Variants in QTMAN observed in about 807,000 individuals in gnomAD.
QTMAN encodes queuosine-tRNA mannosyltransferase, also known as tRNA-queuosine alpha-mannosyltransferase.
At chr2:144,169,291 G>C in the QTMAN span, among the ~76,000 whole-genome samples, 10 of 152,054 alleles carry the variant, frequency 6.6e-5, no homozygotes. Context: ...ATAAATCAGA[G>C]ACAATTTGTT....
the QTMAN span, among the ~76,000 whole-genome samples, chr2:143,982,381 C>T: frequency 6.6e-6 from 1 of 151,782 alleles, no homozygotes; most frequent in African/African-American, 2.4e-5. Flanking sequence ...CAGGCATGCA[C>T]CACTACGCCC....
At chr2:144,133,203 ATT>A in the QTMAN span, among the ~76,000 whole-genome samples, 15 of 78,600 alleles carry the variant, frequency 1.9e-4, no homozygotes, top group South Asian at 4.5e-3. Flanking sequence ...ATATATATAT[ATT>A]TATATATACA....
the QTMAN span, among the ~76,000 whole-genome samples, chr2:144,112,030 T>C: frequency 1.3e-5 from 2 of 152,248 alleles, no homozygotes; most frequent in Non-Finnish European, 2.9e-5. Flanking sequence ...CAATTATGTT[T>C]AAATGAAGAA....
At chr2:144,078,789 A>G in the QTMAN span, among the ~76,000 whole-genome samples, 2 of 152,122 alleles carry the variant, frequency 1.3e-5, no homozygotes, top group Non-Finnish European at 2.9e-5. Flanking sequence ...TAATCCTATT[A>G]AATCTTTGTT....
At chr2:144,259,457 T>C in the QTMAN span, among the ~76,000 whole-genome samples, 1 of 152,152 alleles carries the variant, frequency 6.6e-6, no homozygotes, top group East Asian at 1.9e-4. Context: ...CCCCGCCCAG[T>C]AGGATCTCTG....
the QTMAN span, among the ~76,000 whole-genome samples, chr2:144,101,385 A>C: frequency 7.8e-5 from 11 of 140,714 alleles, no homozygotes; most frequent in African/African-American, 2.5e-4. Flanking sequence ...AATCATGTCT[A>C]TCTCTCTCTC....
chr2:143,993,417 G>C, the QTMAN span, among the ~76,000 whole-genome samples: 15 of 151,844 alleles, frequency 9.9e-5, no homozygotes, highest in South Asian at 2.1e-4. Context: ...AAAAAAAAAG[G>C]GGGGGGGACT....
the QTMAN span, among the ~76,000 whole-genome samples, chr2:144,153,513 T>C: frequency 2.4e-3 from 368 of 151,960 alleles, no homozygotes; most frequent in African/African-American, 8.5e-3. Flanking sequence ...ATCGAGACCA[T>C]CTTGGCTAAC....
chr2:144,122,909 A>G, the QTMAN span, among the ~76,000 whole-genome samples: 3 of 152,172 alleles, frequency 2.0e-5, no homozygotes. Flanking sequence ...GAAAGGCAAT[A>G]GAACTGCCTC....
the QTMAN span, among the ~76,000 whole-genome samples, chr2:144,261,562 C>T: frequency 2.0e-5 from 3 of 151,962 alleles, no homozygotes; most frequent in Non-Finnish European, 4.4e-5. Context: ...TCCACATATG[C>T]CCTGCAAAAA....
At chr2:144,091,945 T>C in the QTMAN span, among the ~76,000 whole-genome samples, 2 of 152,192 alleles carry the variant, frequency 1.3e-5, no homozygotes, top group South Asian at 2.1e-4. Context: ...GCATACTATA[T>C]GTTTTTGTTT....
the QTMAN span, among the ~76,000 whole-genome samples, chr2:144,213,913 C>A: frequency 6.6e-6 from 1 of 152,112 alleles, no homozygotes; most frequent in Admixed American, 6.6e-5. Flanking sequence ...CCTCCACCCA[C>A]CAACACACCC....
chr2:144,165,989 A>G, the QTMAN span, among the ~76,000 whole-genome samples: 3 of 152,070 alleles, frequency 2.0e-5, no homozygotes, highest in Non-Finnish European at 4.4e-5. Context: ...TAGCTACAGA[A>G]TCATGCATCT....
At chr2:143,991,831 G>C in the QTMAN span, among the ~76,000 whole-genome samples, 1 of 149,060 alleles carries the variant, frequency 6.7e-6, no homozygotes, top group Non-Finnish European at 1.5e-5. Flanking sequence ...GGGAGGTGAG[G>C]GGCACCTCTG....
At chr2:144,087,827 T>A in the QTMAN span, among the ~76,000 whole-genome samples, 2 of 151,918 alleles carry the variant, frequency 1.3e-5, no homozygotes, top group Non-Finnish European at 2.9e-5. Flanking sequence ...ATACAACAAA[T>A]CCACAGCTCA....
chr2:144,030,545 G>A, the QTMAN span, among the ~76,000 whole-genome samples: 1 of 152,238 alleles, frequency 6.6e-6, no homozygotes, highest in East Asian at 1.9e-4. Flanking sequence ...TTCCTGCCTA[G>A]CTTGGGCCTA....
the QTMAN span, among the ~76,000 whole-genome samples, chr2:143,993,997 T>C: frequency 1.3e-5 from 2 of 152,180 alleles, no homozygotes; most frequent in African/African-American, 2.4e-5. Context: ...TCCTGTACTA[T>C]GGGCTCCTAA....
the QTMAN span, among the ~76,000 whole-genome samples, chr2:144,264,836 C>A: frequency 6.6e-6 from 1 of 152,222 alleles, no homozygotes; most frequent in Admixed American, 6.5e-5. Flanking sequence ...TCCTGGATCT[C>A]TTTCCATGCT....
the QTMAN span, among the ~76,000 whole-genome samples, chr2:144,132,038 TA>T: frequency 6.6e-6 from 1 of 151,888 alleles, no homozygotes; most frequent in African/African-American, 2.4e-5. Context: ...CATGCCTGAA[TA>T]TTCAGGTGAA....
Sources: allele counts gnomAD v4.1 joint callset (sites outside exome capture counted in the v4.1 genomes callset), GRCh38; gene constraint gnomAD v4.1.1; transcripts MANE v1.5; gene names NCBI Gene and HGNC (gene_info 2026-07-23, HGNC 2026-07-21).